The following FER variants were observed in gnomAD, a reference collection of about 807,000 sequenced individuals.
FER encodes the protein tyrosine-protein kinase Fer.
FER carries 63 observed loss-of-function variants against 111.0 expected under a neutral mutation model. The observed-to-expected ratio is 0.57, with a 90% CI of 0.46 to 0.70. The LOEUF is 0.70. FER is among the 30% of genes least tolerant of loss of function. FER has a pLI of 0.00. For missense variants in FER, 914 were observed against 954.0 expected (o/e 0.96, Z 0.55); for synonymous variants, 327 against 313.9 (o/e 1.04, Z -0.44).
At chr5:108,979,303 T>G (rs1761759162) in intron 13 of FER, among the ~76,000 whole-genome samples, 1 of 152,174 alleles carries the variant, frequency 6.6e-6, no homozygotes, top group Non-Finnish European at 1.5e-5. Flanking sequence ...GATTATTTGT[T>G]TTTCCTGTGA....
At chr5:108,756,987 A>G (rs1751191159) in intron 1 of FER, among the ~76,000 whole-genome samples, 1 of 152,158 alleles carries the variant, frequency 6.6e-6, no homozygotes, top group African/African-American at 2.4e-5. Flanking sequence ...TGAATTTATG[A>G]ATTTGATGGC....
chr5:108,837,981 C>G (rs185265446), intron 5 of FER, among the ~76,000 whole-genome samples: 1 of 152,090 alleles, frequency 6.6e-6, no homozygotes, highest in Admixed American at 6.6e-5. Context: ...TTAAATCCTA[C>G]AGAATATATA....
At chr5:109,110,467 T>A (rs1749474003) in intron 17 of FER, among the ~76,000 whole-genome samples, 1 of 152,026 alleles carries the variant, frequency 6.6e-6, no homozygotes, top group Admixed American at 6.6e-5. Context: ...ATGCTAGGTG[T>A]GTCAAAGTAA....
chr5:108,918,207 C>T (rs1409090636), intron 10 of FER, among the ~76,000 whole-genome samples: 3 of 152,148 alleles, frequency 2.0e-5, no homozygotes, highest in Non-Finnish European at 4.4e-5. Context: ...GCAGGGGAAG[C>T]AAAGCTTTTC....
rs776972232 is a variant in FER at position 108,798,311 on chromosome 5, A to G, written c.129A>G (p.Ala43=). ...ALRIKSDKEY[A]STLQNLCNQV... is the part of the protein sequence containing the mutation. The stretch of plus-strand genomic sequence containing the variant: ...GAATAAAAAGTGATAAAGAATATGC[A>G]TCTACTTTACAGAACCTTTGTAATC... Residue 43 remains alanine, a synonymous_variant, in exon 3 of 20, where the codon GCA becomes GCG. Transcript: ENST00000281092. 6.2e-7 allele frequency: 1 copy of G among 1,614,026 alleles called. No homozygotes were observed. The highest frequency in any genetic ancestry group is 8.5e-7 in the Non-Finnish European group (1 of 1,179,870).
At chr5:109,005,910 G>A (rs1217294009) in intron 13 of FER, among the ~76,000 whole-genome samples, 1 of 152,138 alleles carries the variant, frequency 6.6e-6, no homozygotes, top group Non-Finnish European at 1.5e-5. Flanking sequence ...TATAACTTAA[G>A]ACAAATTTGT....
At chr5:108,810,443 C>G (rs907792997) in intron 3 of FER, among the ~76,000 whole-genome samples, 4 of 152,236 alleles carry the variant, frequency 2.6e-5, no homozygotes, top group African/African-American at 9.6e-5. Flanking sequence ...GCAGGCCTGC[C>G]TACCTGTCGC....
At chr5:109,028,744 T>C (rs1361794080) in intron 13 of FER, among the ~76,000 whole-genome samples, 1 of 152,236 alleles carries the variant, frequency 6.6e-6, no homozygotes, top group African/African-American at 2.4e-5. Flanking sequence ...CAGCAAAAGC[T>C]AGGTCAAAAG....
chr5:108,825,243 C>T (rs186680034), intron 3 of FER, among the ~76,000 whole-genome samples: 24 of 152,224 alleles, frequency 1.6e-4, no homozygotes, highest in African/African-American at 4.3e-4. Flanking sequence ...AGCCTGGGAG[C>T]GCTATGGGAG....
At chr5:108,867,092 G>C (rs1764143319) in intron 5 of FER, among the ~76,000 whole-genome samples, 1 of 152,168 alleles carries the variant, frequency 6.6e-6, no homozygotes, top group Non-Finnish European at 1.5e-5. Flanking sequence ...TTATCTCTAT[G>C]TAACTTTGTT....
chr5:109,046,332 T>C (rs1026085523), intron 15 of FER, among the ~76,000 whole-genome samples: 2 of 152,094 alleles, frequency 1.3e-5, no homozygotes, highest in Non-Finnish European at 2.9e-5. Flanking sequence ...TAAAATCAAG[T>C]GCGTGTGTTA....
At chr5:108,976,357 A>G (rs1222004267) in intron 13 of FER, among the ~76,000 whole-genome samples, 6 of 152,148 alleles carry the variant, frequency 3.9e-5, no homozygotes, top group Non-Finnish European at 7.3e-5. Flanking sequence ...TTTAAAACTT[A>G]TGATACTTCT....
chr5:108,761,589 A>T (rs1048098256), intron 1 of FER, among the ~76,000 whole-genome samples: 2 of 152,216 alleles, frequency 1.3e-5, no homozygotes, highest in African/African-American at 2.4e-5. Flanking sequence ...TGTAAGAATC[A>T]CCAAATGTAA....
rs376837075 is a variant in FER at position 108,832,750 on chromosome 5, C to CTT, written c.208-5_208-4dup. The CTT allele has an allele frequency of 1.4e-3, 1,855 of 1,280,754 alleles. No homozygotes were observed. The highest frequency in any genetic ancestry group is 2.3e-3 in the South Asian group (109 of 47,558). 79.3% of individuals were successfully genotyped at this position (1,280,754 alleles called of 1,614,324 possible). ...AAACCTTTAATGCAAATGTTTGTTT[C>CTT]TTTTTTTTTTTTTTTTAAGTCTTGG... is the stretch of plus-strand genomic sequence containing the variant. On this transcript the variant is annotated intron_variant, in intron 3 of 19. Transcript: ENST00000281092.
chr5:108,912,593 T>A (rs1447842535), intron 10 of FER, among the ~76,000 whole-genome samples: 2 of 152,152 alleles, frequency 1.3e-5, no homozygotes, highest in Non-Finnish European at 2.9e-5. Context: ...AACTCTGACC[T>A]CAGGTGATCC....
At chr5:109,096,503 G>A (rs1030543441) in intron 16 of FER, among the ~76,000 whole-genome samples, 5 of 151,832 alleles carry the variant, frequency 3.3e-5, no homozygotes, top group African/African-American at 9.7e-5. Context: ...TCTGCTTTCC[G>A]TGAATGCATC....
intron 8 of FER, among the ~76,000 whole-genome samples, chr5:108,882,559 T>C (rs1173206953): frequency 6.6e-6 from 1 of 152,002 alleles, no homozygotes; most frequent in Non-Finnish European, 1.5e-5. Flanking sequence ...AGAGTTTTTC[T>C]GCACGAAAAG....
At chr5:109,118,218 G>A (rs554052818) in intron 17 of FER, among the ~76,000 whole-genome samples, 16 of 152,238 alleles carry the variant, frequency 1.1e-4, no homozygotes, top group East Asian at 3.9e-4. Context: ...AGCATGAAGC[G>A]TTGTTGAATT....
At chr5:108,850,566 G>A (rs536432835) in intron 5 of FER, among the ~76,000 whole-genome samples, 1 of 152,140 alleles carries the variant, frequency 6.6e-6, no homozygotes, top group African/African-American at 2.4e-5. Flanking sequence ...GAAGGAAAAT[G>A]TGTTATCTCT....
Sources: allele counts gnomAD v4.1 joint callset (sites outside exome capture counted in the v4.1 genomes callset), GRCh38; gene constraint gnomAD v4.1.1; transcripts MANE v1.5; gene names NCBI Gene and HGNC (gene_info 2026-07-23, HGNC 2026-07-21).